COL9A2: variants seen among roughly 807,000 people sequenced by gnomAD.
The protein encoded by COL9A2 is collagen alpha-2(IX) chain.
In COL9A2, 66 loss-of-function variants were observed where a neutral mutation model predicts 111.6. The observed-to-expected ratio is 0.59, with a 90% CI of 0.48 to 0.73. The LOEUF (loss-of-function observed/expected upper bound fraction) is 0.73. Ranked by LOEUF, COL9A2 falls within the 30% of genes least tolerant of loss-of-function variation. The pLI is 0.00. For synonymous variants in COL9A2, 353 were observed against 364.1 expected (o/e 0.97, Z 0.35); for missense variants, 881 against 954.1 (o/e 0.92, Z 1.01).
chr1:40,317,283 G>A lies in COL9A2; in HGVS notation c.-86C>T. 1.5e-6 allele frequency: 1 copy of A among 645,528 alleles called. No individual in the cohort carries two copies. The highest frequency in any genetic ancestry group is 2.6e-6 in the Non-Finnish European group (1 of 382,120). The allele number at this position is 645,528 out of a possible 1,614,324, so 40.0% of individuals were successfully genotyped here. A position where few individuals can be genotyped will look rare whatever the true frequency, so the allele number is the denominator to read the frequency against. On this transcript the variant is annotated 5_prime_UTR_variant, in exon 1 of 32. Transcript: ENST00000372748. This position sits in a 1 kb window ranked among gnomAD's most constrained non-coding sequence, Gnocchi z 4.3. Reference sequence around the variant, plus strand: ...TCCCGGCGCTCCTCCAGCGCTGGCTGTTCGCGGGCAGGGTGGGCTGGGGCT... The same window carrying A: ...TCCCGGCGCTCCTCCAGCGCTGGCTATTCGCGGGCAGGGTGGGCTGGGGCT...
chr1:40,308,339 G>T (rs984537648), intron 16 of COL9A2, 94 bp from the exon 17 acceptor site: 4 of 1,322,400 alleles, frequency 3.0e-6, no homozygotes, highest in Middle Eastern at 2.1e-4. Context: ...TGGCCTCTAG[G>T]TCCCAGAGTT....
intron 19 of COL9A2, among the ~76,000 whole-genome samples, chr1:40,306,688 C>T (rs1644035232): frequency 6.6e-6 from 1 of 152,064 alleles, no homozygotes; most frequent in South Asian, 2.1e-4. Flanking sequence ...AGGGAAAGGA[C>T]AGAGAGGGGC....
chr1:40,306,017 G>A, intron 20 of COL9A2, 126 bp downstream of exon 20: 2 of 1,091,410 alleles, frequency 1.8e-6, no homozygotes, highest in South Asian at 2.5e-5. Context: ...CAGGAGGGAG[G>A]TGGTTAGGCC....
At position 40,314,311 on chromosome 1, in the gene COL9A2, G is replaced by A; in HGVS notation, c.186+41C>T. ...ACAAACATGAGCCAGAGGAGGGCAA[G>A]AGCAGGAAGGGTCAAAGGCCAAAGA... is the stretch of plus-strand genomic sequence containing the variant. On this transcript the variant is annotated intron_variant, in intron 3 of 31. Transcript: ENST00000372748. This position sits in a 1 kb window ranked among gnomAD's most constrained non-coding sequence, Gnocchi z 4.1. 6.2e-7 allele frequency: 1 copy of A among 1,614,226 alleles called. No individual in the cohort carries two copies. The highest frequency in any genetic ancestry group is 8.5e-7 in the Non-Finnish European group (1 of 1,180,044).
At chr1:40,305,216 T>TG (rs1187359369) in intron 21 of COL9A2, among the ~76,000 whole-genome samples, 1 of 151,952 alleles carries the variant, frequency 6.6e-6, no homozygotes, top group African/African-American at 2.4e-5. Context: ...TACAGGTGCC[T>TG]GCCACCGCCC....
chr1:40,305,297 C>T (rs1644009564), intron 21 of COL9A2, among the ~76,000 whole-genome samples: 1 of 152,034 alleles, frequency 6.6e-6, no homozygotes, highest in Admixed American at 6.5e-5. Context: ...CCTCGTGATC[C>T]ACCCGCCTCA....
At chr1:40,305,987 G>C (rs1295743715) in intron 20 of COL9A2, among the ~76,000 whole-genome samples, 156 bp downstream of exon 20, 5 of 152,370 alleles carry the variant, frequency 3.3e-5, no homozygotes, top group Non-Finnish European at 5.9e-5. Flanking sequence ...GCTGAGGAGT[G>C]CATGATGGGT....
rs1644227948 is a variant in COL9A2, at chr1:40,316,912, C to G, written c.75+211G>C. Among the ~76,000 whole-genome samples the G allele has an allele frequency of 6.6e-6, 1 of 152,176 alleles. No homozygotes were observed. The highest frequency in any genetic ancestry group is 1.5e-5 in the Non-Finnish European group (1 of 68,026). ...GGGCCGCGCGTCTGGGGACGGGTCC[C>G]GTTTGACTCTCCGGCTCAGCCACCT... On this transcript the variant is annotated intron_variant, in intron 1 of 31. Coordinates refer to ENST00000372748, the MANE Select transcript of COL9A2 (RefSeq NM_001852.4). The surrounding 1 kb of genome is among the most constrained non-coding windows in gnomAD (Gnocchi z 5.5).
rs1471479290 is a variant in COL9A2, at chr1:40,303,018, G to A, written c.1603+113C>T. The A allele has an allele frequency of 6.6e-6, 8 of 1,218,000 alleles. No individual in the cohort carries two copies. The highest frequency in any genetic ancestry group is 9.4e-6 in the Non-Finnish European group (8 of 848,024). 75.4% of individuals were successfully genotyped at this position (1,218,000 alleles called of 1,614,324 possible). On this transcript the variant is annotated intron_variant, in intron 29 of 31. Transcript: ENST00000372748. This position sits in a 1 kb window ranked among gnomAD's most constrained non-coding sequence, Gnocchi z 4.6. ...AACCCTTCAGAGACTGGACTGGAAGGAGCCCCCAGGACTCCAGATTTTCAG... is the reference window on the plus strand; with the variant it reads ...AACCCTTCAGAGACTGGACTGGAAGAAGCCCCCAGGACTCCAGATTTTCAG...
Position 40,311,425 on chromosome 1 carries a change from T to G in COL9A2, c.519+75A>C. ...CTCCCCATCTCTCCAGACACCCCCA[T>G]CTCCGTGGCCCCGCCTCCCCATCTC... On this transcript the variant is annotated intron_variant, in intron 10 of 31. Transcript: ENST00000372748. This position sits in a 1 kb window ranked among gnomAD's most constrained non-coding sequence, Gnocchi z 5.1. 1.3e-6 allele frequency: 2 copies of G among 1,529,420 alleles called. No individual in the cohort carries two copies. The highest frequency in any genetic ancestry group is 1.8e-6 in the Non-Finnish European group (2 of 1,112,468). The allele number at this position is 1,529,420 out of a possible 1,614,324, so 94.7% of individuals were successfully genotyped here.
At position 40,303,386 on chromosome 1, in the gene COL9A2, C is replaced by A; in HGVS notation, c.1548+144G>T. 7.7e-7 allele frequency: 1 copy of A among 1,291,300 alleles called. No individual in the cohort carries two copies. The highest frequency in any genetic ancestry group is 1.3e-5 in the South Asian group (1 of 78,020). 80.0% of individuals were successfully genotyped at this position (1,291,300 alleles called of 1,614,324 possible). On this transcript the variant is annotated intron_variant, in intron 28 of 31. Transcript: ENST00000372748. The surrounding 1 kb of genome is among the most constrained non-coding windows in gnomAD (Gnocchi z 4.6). ...GGGGTAATCCCTCAGGCTGCACTCA[C>A]AGCCTTCCTGTCTGCTCTGGGGCTT...
intron 16 of COL9A2, among the ~76,000 whole-genome samples, chr1:40,309,718 A>G (rs2124081031): frequency 6.6e-6 from 1 of 151,832 alleles, no homozygotes; most frequent in African/African-American, 2.4e-5. Context: ...TCACATACAC[A>G]TACTACACAC....
rs774793213 is a variant in COL9A2 at position 40,304,505 on chromosome 1, C to A, written c.1186G>T (p.Val396Leu). 6.2e-7 allele frequency: 1 copy of A among 1,614,206 alleles called. No homozygotes were observed. The highest frequency in any genetic ancestry group is 1.1e-5 in the South Asian group (1 of 91,080). ...CTTCCCTGAGGGCCTGGTTGCCCCA[C>A]TGGACCCCTCTCGCCTTGGTCACCC... ...QKGDQGERGP[V>L]GQPGPQGRQG... is the part of the protein sequence containing the mutation. Residue 396 changes from valine to leucine, a missense_variant, in exon 23 of 32, where the codon GTG becomes TTG. Coordinates refer to ENST00000372748, the MANE Select transcript of COL9A2 (RefSeq NM_001852.4).
In COL9A2 at chr1:40,316,815, C is replaced by T; in HGVS notation, c.75+308G>A. 6.0e-6 allele frequency: 3 copies of T among 496,268 alleles called. No homozygotes were observed. Among genetic ancestry groups the T allele is most frequent in the Non-Finnish European group, 1.1e-5 (3 of 271,686 alleles). The allele number at this position is 496,268 out of a possible 1,614,324, so 30.7% of individuals were successfully genotyped here. On this transcript the variant is annotated intron_variant, in intron 1 of 31. Coordinates refer to ENST00000372748, the MANE Select transcript of COL9A2 (RefSeq NM_001852.4). This position sits in a 1 kb window ranked among gnomAD's most constrained non-coding sequence, Gnocchi z 5.5. ...GCGGGTGAATGAGCACCATTGTATGCCCCGCCACCTGGGCTCCCCGGGCTG... is the reference window on the plus strand; with the variant it reads ...GCGGGTGAATGAGCACCATTGTATGTCCCGCCACCTGGGCTCCCCGGGCTG...
intron 31 of COL9A2, 123 bp from the exon 32 acceptor site, chr1:40,301,504 GC>G: frequency 2.5e-6 from 2 of 810,918 alleles, no homozygotes; most frequent in South Asian, 1.8e-5. Flanking sequence ...AAAGGACTCT[GC>G]CCCAGAGGCA....
rs1644117727 is a variant in COL9A2 at position 40,311,178 on chromosome 1, C to A, written c.577-32G>T. On this transcript the variant is annotated intron_variant, in intron 11 of 31. Transcript: ENST00000372748. This position sits in a 1 kb window ranked among gnomAD's most constrained non-coding sequence, Gnocchi z 5.1. ...GGAAGGAGAGAGCTCAATACGAGGT[C>A]CCCTCCTGTCACCTGCACCACCCTC... 6.2e-7 allele frequency: 1 copy of A among 1,614,186 alleles called. No individual in the cohort carries two copies. Among genetic ancestry groups the A allele is most frequent in the Non-Finnish European group, 8.5e-7 (1 of 1,179,990 alleles).
Position 40,311,266 on chromosome 1 carries a change from G to T in COL9A2, c.540C>A (p.Pro180=), listed in dbSNP as rs756880415. 6.2e-7 allele frequency: 1 copy of T among 1,614,070 alleles called. No homozygotes were observed. Among genetic ancestry groups the T allele is most frequent in the Non-Finnish European group, 8.5e-7 (1 of 1,179,988 alleles). The change falls in exon 11 of 32, where the codon CCC becomes CCA. Residue 180 remains proline, a synonymous_variant. Transcript: ENST00000372748. This position sits in a 1 kb window ranked among gnomAD's most constrained non-coding sequence, Gnocchi z 5.1. ...ADFLCPTNCP[P]GMKGPPGLQG... ...GCAGCCCTGGGGGACCTTTCATTCC[G>T]GGTGGACAGTTGGTTGGACACTGGA... is the stretch of plus-strand genomic sequence containing the variant.
In COL9A2 at chr1:40,310,137, C is replaced by T. The variant is rs1302085285; in HGVS notation, c.766G>A (p.Gly256Ser). ...TGPHGYKGMV[G>S]AIGATGPPGE... ...GGTGGCCCAGTGGCACCGATAGCGCCCACCATGCCTTTATATCCATGAGGG... is the reference window on the plus strand; with the variant it reads ...GGTGGCCCAGTGGCACCGATAGCGCTCACCATGCCTTTATATCCATGAGGG... The change falls in exon 15 of 32, where the codon GGC (glycine) becomes AGC (serine). Residue 256 changes from glycine (G) to serine (S), a missense_variant. Coordinates refer to ENST00000372748, the MANE Select transcript of COL9A2 (RefSeq NM_001852.4). The surrounding 1 kb of genome is among the most constrained non-coding windows in gnomAD (Gnocchi z 4.9). 2 of 1,613,998 alleles carry T rather than the reference C, an allele frequency of 1.2e-6. No individual in the cohort carries two copies. The highest frequency in any genetic ancestry group is 1.7e-6 in the Non-Finnish European group (2 of 1,179,924).
Position 40,302,670 on chromosome 1 carries a change from A to G in COL9A2, c.1743T>C (p.Val581=). Residue 581 remains valine, a synonymous_variant, in exon 30 of 32, where the codon GTT becomes GTC. Transcript: ENST00000372748. The surrounding 1 kb of genome is among the most constrained non-coding windows in gnomAD (Gnocchi z 4.5). The stretch of plus-strand genomic sequence containing the variant: ...GACCCACGGCTCCCACGATGCCAGG[A>G]ACGCCCCGAGGGCCAGGGTGCCCAT... ...GPHGHPGPRG[V]PGIVGAVGQI... 1 of 1,601,884 alleles carries G rather than the reference A, an allele frequency of 6.2e-7. No individual in the cohort carries two copies. The highest frequency in any genetic ancestry group is 1.3e-5 in the African/African-American group (1 of 74,638).
Sources: allele counts gnomAD v4.1 joint callset (sites outside exome capture counted in the v4.1 genomes callset), GRCh38; gene constraint gnomAD v4.1.1; non-coding constraint Gnocchi (gnomAD v3.1); transcripts MANE v1.5; gene names NCBI Gene and HGNC (gene_info 2026-07-23, HGNC 2026-07-21).